KLF12: variants seen among roughly 807,000 people sequenced by gnomAD.
KLF12 encodes the protein Krueppel-like factor 12.
Under a neutral mutation model 37.8 loss-of-function variants are expected in KLF12, and 9 were observed. The observed-to-expected ratio is 0.24, with a 90% CI of 0.14 to 0.42. The LOEUF is 0.42. KLF12 is among the 10% of genes least tolerant of loss of function. The pLI is 1.00. For synonymous variants in KLF12, 208 were observed against 202.1 expected, an observed-to-expected ratio of 1.03 and a Z score of -0.25; for missense variants, 411 against 516.0, an observed-to-expected ratio of 0.80 and a Z score of 1.97.
chr13:73,849,660 T>A (rs982181693), intron 3 of KLF12, among the ~76,000 whole-genome samples: 11 of 151,792 alleles, frequency 7.2e-5, no homozygotes, highest in African/African-American at 2.4e-4. Flanking sequence ...CAAAGAAAGG[T>A]CGTAAGTTTT....
intron 3 of KLF12, among the ~76,000 whole-genome samples, chr13:73,943,077 T>C (rs574051735): frequency 6.6e-6 from 1 of 152,352 alleles, no homozygotes; most frequent in South Asian, 2.1e-4. Context: ...AACAGTGAGA[T>C]TTTATTCACA....
At chr13:73,923,290 T>G (rs1053871149) in intron 3 of KLF12, among the ~76,000 whole-genome samples, 1 of 152,174 alleles carries the variant, frequency 6.6e-6, no homozygotes, top group African/African-American at 2.4e-5. Flanking sequence ...CCTATGACAA[T>G]GGAAATTCAC....
intron 3 of KLF12, among the ~76,000 whole-genome samples, chr13:73,926,935 T>C (rs1309273727): frequency 1.2e-5 from 1 of 83,974 alleles, no homozygotes; most frequent in African/African-American, 3.0e-5. Flanking sequence ...CGTGTCTCCT[T>C]TGAAAAAAAA....
intron 1 of KLF12, among the ~76,000 whole-genome samples, chr13:74,104,756 A>G (rs1237476332): frequency 6.6e-6 from 1 of 152,214 alleles, no homozygotes; most frequent in Non-Finnish European, 1.5e-5. Flanking sequence ...TTTAAGAAGC[A>G]ACAGAACAGC....
the KLF12 span, among the ~76,000 whole-genome samples, chr13:74,285,548 T>A: frequency 1.3e-5 from 2 of 152,198 alleles, no homozygotes; most frequent in African/African-American, 4.8e-5. Flanking sequence ...TGATGGGGCA[T>A]CCCCAGGAGA....
At chr13:73,843,417 C>T (rs1884848933) in intron 4 of KLF12, among the ~76,000 whole-genome samples, 1 of 151,996 alleles carries the variant, frequency 6.6e-6, no homozygotes, top group African/African-American at 2.4e-5. Context: ...CGATGATTCT[C>T]CTGCCTCAGC....
the KLF12 span, among the ~76,000 whole-genome samples, chr13:74,205,343 T>C: frequency 1.3e-5 from 2 of 152,122 alleles, no homozygotes; most frequent in Admixed American, 6.6e-5. Flanking sequence ...TGGGGTGATA[T>C]GAAAAGTAAC....
chr13:74,287,666 G>A, the KLF12 span, among the ~76,000 whole-genome samples: 2 of 152,162 alleles, frequency 1.3e-5, no homozygotes. Context: ...GCAAAGAGAA[G>A]CAAGGCAATT....
intron 1 of KLF12, among the ~76,000 whole-genome samples, chr13:74,105,024 G>A (rs9530281): frequency 0.54 from 82,677 of 152,020 alleles, 27,570 homozygotes; most frequent in East Asian, 0.91. Context: ...TCCACAGGGA[G>A]TTGGGTCACC....
Position 73,880,531 on chromosome 13 carries a change from T to TCTGCTACTTC in KLF12, c.124-34168_124-34159dup, listed in dbSNP as rs536571702. Among the ~76,000 whole-genome samples, 572 of 152,330 alleles carry TCTGCTACTTC rather than the reference T, an allele frequency of 3.8e-3. 5 individuals are homozygous for TCTGCTACTTC. Among genetic ancestry groups the TCTGCTACTTC allele is most frequent in the African/African-American group, 0.013 (542 of 41,576 alleles). On this transcript the variant is annotated intron_variant, in intron 3 of 7. Coordinates refer to ENST00000377669, the MANE Select transcript of KLF12 (RefSeq NM_007249.5). ...GCCTCCAACCTGTGACGGAGGTTCC[T>TCTGCTACTTC]CTGCTACTTCCTGCTGCTTCCAGAT...
At chr13:73,926,630 CTTT>C (rs58514840) in intron 3 of KLF12, among the ~76,000 whole-genome samples, 15 of 144,728 alleles carry the variant, frequency 1.0e-4, no homozygotes, top group Non-Finnish European at 1.2e-4. Flanking sequence ...CTCTCTCTCT[CTTT>C]TTTTTTTTTT....
intron 2 of KLF12, among the ~76,000 whole-genome samples, chr13:73,982,011 A>T (rs2138185036): frequency 6.6e-6 from 1 of 152,282 alleles, no homozygotes; most frequent in South Asian, 2.1e-4. Context: ...ATCATGGCTT[A>T]CAACTTACAC....
intron 2 of KLF12, chr13:73,962,146 G>A: frequency 5.8e-6 from 2 of 344,002 alleles, no homozygotes; most frequent in Non-Finnish European, 5.6e-6. Context: ...GCAATAGAAA[G>A]AAATTAGTTA....
intron 2 of KLF12, among the ~76,000 whole-genome samples, chr13:73,975,663 C>T (rs2138140179): frequency 6.6e-6 from 1 of 152,300 alleles, no homozygotes; most frequent in African/African-American, 2.4e-5. Context: ...TCTCATTATA[C>T]TTTGGGCTCC....
intron 1 of KLF12, among the ~76,000 whole-genome samples, chr13:74,047,465 C>T (rs1236266477): frequency 6.6e-6 from 1 of 151,100 alleles, no homozygotes; most frequent in Non-Finnish European, 1.5e-5. Flanking sequence ...GGCGTGGTGG[C>T]GGGGGCTTGT....
chr13:73,881,222 G>A (rs1468635265), intron 3 of KLF12, among the ~76,000 whole-genome samples: 1 of 151,972 alleles, frequency 6.6e-6, no homozygotes, highest in Admixed American at 6.6e-5. Flanking sequence ...TTTTATTTCT[G>A]TATTTTTGCA....
At chr13:74,163,627 A>G in the KLF12 span, among the ~76,000 whole-genome samples, 1 of 152,260 alleles carries the variant, frequency 6.6e-6, no homozygotes, top group African/African-American at 2.4e-5. Context: ...GGTACAAAAA[A>G]TGAAAAGGAG....
the KLF12 span, among the ~76,000 whole-genome samples, chr13:74,182,362 C>G: frequency 6.6e-6 from 1 of 152,202 alleles, no homozygotes; most frequent in Non-Finnish European, 1.5e-5. Context: ...ATTTTATTTT[C>G]TCTGTCTATG....
chr13:74,073,457 T>C (rs1421907848), intron 1 of KLF12, among the ~76,000 whole-genome samples: 1 of 152,182 alleles, frequency 6.6e-6, no homozygotes, highest in East Asian at 1.9e-4. Context: ...CTTAAGGAAA[T>C]GCTTTGTTCA....
Sources: gnomAD v4.1 joint callset for allele counts (sites outside exome capture counted in the v4.1 genomes callset) on GRCh38, gnomAD v4.1.1 for gene constraint, MANE v1.5 for transcripts, NCBI Gene and HGNC (gene_info 2026-07-23, HGNC 2026-07-21) for gene names.